Variants in RNF19A observed in about 807,000 individuals in gnomAD.
The protein encoded by RNF19A is E3 ubiquitin-protein ligase RNF19A.
In RNF19A, 32 loss-of-function variants were observed where a neutral mutation model predicts 75.7. That is an observed-to-expected ratio of 0.42 (90% CI 0.32 to 0.57). The LOEUF (loss-of-function observed/expected upper bound fraction) is 0.57. Ranked by LOEUF, RNF19A falls within the 20% of genes least tolerant of loss-of-function variation. The pLI is 0.10. For synonymous variants in RNF19A, 335 were observed against 345.2 expected, an observed-to-expected ratio of 0.97 and a Z score of 0.33; for missense variants, 782 against 1,036.3, an observed-to-expected ratio of 0.75 and a Z score of 3.37.
At chr8:100,311,763 TAAAC>T (rs1294941052), upstream of RNF19A, among the ~76,000 whole-genome samples, 3 of 150,098 alleles carry the variant, frequency 2.0e-5, no homozygotes, top group African/African-American at 7.4e-5. Context: ...ATCAACATGT[TAAAC>T]AACATTTCAG....
At chr8:100,318,820 A>G (rs1822422126) in intron 1 of RNF19A, among the ~76,000 whole-genome samples, 2 of 152,246 alleles carry the variant, frequency 1.3e-5, no homozygotes, top group African/African-American at 4.8e-5. Context: ...TCAGAGTGAA[A>G]TCCTGTGCTG....
rs1260254903 is a variant in RNF19A at position 100,258,490 on chromosome 8, C to CA, written c.*65dup. On this transcript the variant is annotated 3_prime_UTR_variant, in exon 10 of 10. Transcript: ENST00000341084. The surrounding 1 kb of genome is among the most constrained non-coding windows in gnomAD (Gnocchi z 4.3). ...GCTGGTAACCTGAAACTTAAGTAGT[C>CA]ACATGTAGTTCAACCAGCTCCAAAC... 2 of 1,304,950 alleles carry CA rather than the reference C, an allele frequency of 1.5e-6. No homozygotes were observed. Among genetic ancestry groups the CA allele is most frequent in the African/African-American group, 3.0e-5 (2 of 67,460 alleles). 80.8% of individuals were successfully genotyped at this position (1,304,950 alleles called of 1,614,324 possible).
chr8:100,274,887 TTAAAAAGTTAAAATAAC>T, intron 3 of RNF19A, 49 bp downstream of exon 3: 8 of 1,330,838 alleles, frequency 6.0e-6, no homozygotes, highest in Non-Finnish European at 8.3e-6. Flanking sequence ...ATACTTAACT[TTAAAAAGTTAAAATAAC>T]TAGTGTTTTG....
At chr8:100,309,280 T>C in intron 1 of RNF19A, 2 of 981,812 alleles carry the variant, frequency 2.0e-6, no homozygotes, top group Non-Finnish European at 2.4e-6. Context: ...AAGGAGGTGG[T>C]AGCAGTCCCG....
chr8:100,273,547 T>A (rs972890154), intron 3 of RNF19A, among the ~76,000 whole-genome samples: 3 of 152,206 alleles, frequency 2.0e-5, no homozygotes, highest in Admixed American at 1.3e-4. Flanking sequence ...GGTGACTACG[T>A]TGAGGAAGAC....
intron 1 of RNF19A, among the ~76,000 whole-genome samples, chr8:100,294,226 C>CT (rs1381578489): frequency 2.0e-5 from 3 of 152,242 alleles, no homozygotes; most frequent in Admixed American, 6.5e-5. Context: ...AGAGTGAGGA[C>CT]TTTTATTATA....
At chr8:100,308,102 A>C (rs933205965) in intron 1 of RNF19A, among the ~76,000 whole-genome samples, 1 of 152,184 alleles carries the variant, frequency 6.6e-6, no homozygotes, top group African/African-American at 2.4e-5. Context: ...TCCTAAAATG[A>C]TGCTGCAGTT....
At chr8:100,282,981 A>C (rs1820851525) in intron 2 of RNF19A, among the ~76,000 whole-genome samples, 1 of 152,224 alleles carries the variant, frequency 6.6e-6, no homozygotes, top group Non-Finnish European at 1.5e-5. Context: ...TATATGAGTT[A>C]TGTTAGTAGC....
At chr8:100,319,473 C>G (rs1167039975) in intron 1 of RNF19A, among the ~76,000 whole-genome samples, 1 of 151,452 alleles carries the variant, frequency 6.6e-6, no homozygotes, top group Non-Finnish European at 1.5e-5. Flanking sequence ...CCTAGTGCAC[C>G]ATTCCTTTCT....
At chr8:100,305,311 C>T (rs953627314) in intron 1 of RNF19A, among the ~76,000 whole-genome samples, 7 of 152,198 alleles carry the variant, frequency 4.6e-5, no homozygotes, top group Admixed American at 1.3e-4. Flanking sequence ...AACTCAATAA[C>T]TCCAATTCGA....
rs1410130993 is a variant in RNF19A at position 100,332,808 on chromosome 8, C to G, written c.-243+3300G>C. On this transcript the variant is annotated intron_variant, in intron 1 of 3. Transcript: ENST00000519527. The surrounding 1 kb of genome is among the most constrained non-coding windows in gnomAD (Gnocchi z 4.8). ...ATTTCCTTTTCTAGAACCATTTGTT[C>G]ATGTCCTTTGCCCATTTTCCTATTA... Among the ~76,000 whole-genome samples, 1 of 152,102 alleles carries G rather than the reference C, an allele frequency of 6.6e-6. No homozygotes were observed. The highest frequency in any genetic ancestry group is 1.5e-5 in the Non-Finnish European group (1 of 67,996).
At position 100,275,592 on chromosome 8, in the gene RNF19A, C is replaced by A. The variant is rs543190724; in HGVS notation, c.675-431G>T. On this transcript the variant is annotated intron_variant, in intron 2 of 9. Transcript: ENST00000341084. This position sits in a 1 kb window ranked among gnomAD's most constrained non-coding sequence, Gnocchi z 4.3. ...AGTAGGATACCAAATTGCATTTAGC[C>A]TAATCTCAATTTTATAAAAAACCAT... Among the ~76,000 whole-genome samples the A allele has an allele frequency of 1.3e-5, 2 of 151,554 alleles. No individual in the cohort carries two copies. Among genetic ancestry groups the A allele is most frequent in the African/African-American group, 4.8e-5 (2 of 41,398 alleles).
At chr8:100,262,049 TGTCATTTA>T (rs1457256927) in intron 7 of RNF19A, among the ~76,000 whole-genome samples, 1 of 152,128 alleles carries the variant, frequency 6.6e-6, no homozygotes, top group African/African-American at 2.4e-5. Flanking sequence ...TCATTAAGGG[TGTCATTTA>T]AAGAGCTTAT....
intron 1 of RNF19A, among the ~76,000 whole-genome samples, chr8:100,303,679 T>G (rs1821940183): frequency 6.6e-6 from 1 of 151,592 alleles, no homozygotes; most frequent in South Asian, 2.1e-4. Flanking sequence ...ATCCCAGCAC[T>G]TTGGAAGGCT....
Position 100,324,417 on chromosome 8 carries a change from T to G in RNF19A, c.-242-11045A>C, listed in dbSNP as rs1349283723. Among the ~76,000 whole-genome samples the G allele has an allele frequency of 6.6e-6, 1 of 152,236 alleles. No homozygotes were observed. The highest frequency in any genetic ancestry group is 1.5e-5 in the Non-Finnish European group (1 of 68,040). Reference sequence around the variant, plus strand: ...TTCCACCTTAATATTTACTGATTTATAGACCCAACAGGAAAACAAGTGTGG... The same window carrying G: ...TTCCACCTTAATATTTACTGATTTAGAGACCCAACAGGAAAACAAGTGTGG... On this transcript the variant is annotated intron_variant, in intron 1 of 3. Transcript: ENST00000519527. The surrounding 1 kb of genome is among the most constrained non-coding windows in gnomAD (Gnocchi z 4.2).
chr8:100,297,694 T>C (rs1446354554), intron 1 of RNF19A, among the ~76,000 whole-genome samples: 1 of 152,204 alleles, frequency 6.6e-6, no homozygotes, highest in Admixed American at 6.5e-5. Flanking sequence ...TCTGGATACC[T>C]GAGTACTACA....
intron 2 of RNF19A, among the ~76,000 whole-genome samples, chr8:100,286,236 C>T (rs1418627667): frequency 1.3e-5 from 2 of 152,140 alleles, no homozygotes; most frequent in African/African-American, 4.8e-5. Flanking sequence ...AAATTTAGCC[C>T]TGCATACGTC....
chr8:100,317,450 G>T lies in RNF19A; in HGVS notation c.-242-4078C>A, dbSNP rs1822400927. Among the ~76,000 whole-genome samples the T allele has an allele frequency of 6.6e-6, 1 of 152,312 alleles. No individual in the cohort carries two copies. The highest frequency in any genetic ancestry group is 1.9e-4 in the East Asian group (1 of 5,186). ...AGAGAGTGCCAGGGGAAAGGAAATT[G>T]TTTCTTCCTCTTCATGGGACCCATG... On this transcript the variant is annotated intron_variant, in intron 1 of 3. Coordinates refer to the RNF19A transcript ENST00000519527. The surrounding 1 kb of genome is among the most constrained non-coding windows in gnomAD (Gnocchi z 4.3).
upstream of RNF19A, chr8:100,312,401 C>G (rs1337410288): frequency 6.6e-6 from 1 of 152,032 alleles, no homozygotes; most frequent in Admixed American, 6.6e-5. Flanking sequence ...TCCAGGAGTT[C>G]AAGACCAGCC....
Sources: gnomAD v4.1 joint callset for allele counts (sites outside exome capture counted in the v4.1 genomes callset) on GRCh38, gnomAD v4.1.1 for gene constraint, Gnocchi (gnomAD v3.1) non-coding constraint, MANE v1.5 for transcripts, NCBI Gene and HGNC (gene_info 2026-07-23, HGNC 2026-07-21) for gene names.